TTC17: variants seen among roughly 807,000 people sequenced by gnomAD.
TTC17 encodes the protein tetratricopeptide repeat domain 17.
TTC17 carries 58 observed loss-of-function variants against 143.8 expected under a neutral mutation model. The observed-to-expected ratio is 0.40, with a 90% CI of 0.33 to 0.50. The LOEUF (loss-of-function observed/expected upper bound fraction) is 0.50. Ranked by LOEUF, TTC17 falls within the 20% of genes least tolerant of loss-of-function variation. The pLI, the probability that TTC17 is intolerant of heterozygous loss-of-function variation, is 0.49. For missense variants in TTC17, 1,273 were observed against 1,392.5 expected, an observed-to-expected ratio of 0.91 and a Z score of 1.37; for synonymous variants, 501 against 497.8, an observed-to-expected ratio of 1.01 and a Z score of -0.09.
chr11:43,469,148 AAAAC>A (rs775659825), intron 21 of TTC17, among the ~76,000 whole-genome samples: 23 of 152,226 alleles, frequency 1.5e-4, no homozygotes, highest in Non-Finnish European at 2.2e-4. Flanking sequence ...CTAGAAATGA[AAAAC>A]AAAACCCCAG....
chr11:43,442,009 GTACT>G (rs1320188983), intron 16 of TTC17, among the ~76,000 whole-genome samples: 1 of 152,142 alleles, frequency 6.6e-6, no homozygotes, highest in East Asian at 1.9e-4. Context: ...AGAGTGTACT[GTACT>G]TACTTACACA....
At chr11:43,365,475 C>T (rs1167284925) in intron 1 of TTC17, among the ~76,000 whole-genome samples, 2 of 152,018 alleles carry the variant, frequency 1.3e-5, no homozygotes, top group East Asian at 1.9e-4. Context: ...TGCCATGTCA[C>T]CCAGGCTGAT....
chr11:43,470,231 T>G (rs1367816303), intron 21 of TTC17, among the ~76,000 whole-genome samples: 2 of 152,222 alleles, frequency 1.3e-5, no homozygotes, highest in Non-Finnish European at 2.9e-5. Flanking sequence ...TGCAGCAGCA[T>G]CAGAGGTATA....
At chr11:43,471,629 G>A (rs770180029) in intron 21 of TTC17, among the ~76,000 whole-genome samples, 24 of 152,194 alleles carry the variant, frequency 1.6e-4, no homozygotes, top group Non-Finnish European at 2.9e-4. Context: ...GGAAGATTTC[G>A]AAGCCAAAAG....
At chr11:43,403,812 T>C (rs974632745) in intron 10 of TTC17, among the ~76,000 whole-genome samples, 186 bp from the exon 11 acceptor site, 2 of 127,992 alleles carry the variant, frequency 1.6e-5, no homozygotes, top group Non-Finnish European at 3.8e-5. Flanking sequence ...TTGTTAACTA[T>C]GTATTATCCA....
chr11:43,468,650 C>A (rs1212153153), intron 21 of TTC17, among the ~76,000 whole-genome samples: 1 of 152,110 alleles, frequency 6.6e-6, no homozygotes, highest in Non-Finnish European at 1.5e-5. Context: ...ATTAAAATTT[C>A]TCAGCTGGGC....
At chr11:43,359,845 T>G (rs1004757793) in intron 1 of TTC17, among the ~76,000 whole-genome samples, 1 of 152,236 alleles carries the variant, frequency 6.6e-6, no homozygotes, top group Non-Finnish European at 1.5e-5. Context: ...ATTTCCTGGA[T>G]TCTTGTATGC....
At chr11:43,426,440 G>C (rs1199117740) in intron 16 of TTC17, among the ~76,000 whole-genome samples, 3 of 152,158 alleles carry the variant, frequency 2.0e-5, no homozygotes. Context: ...TTTACTTACG[G>C]GTAAGTAGAT....
At chr11:43,374,108 A>C (rs1407168492) in intron 1 of TTC17, among the ~76,000 whole-genome samples, 1 of 152,250 alleles carries the variant, frequency 6.6e-6, no homozygotes, top group African/African-American at 2.4e-5. Flanking sequence ...AATGCCTAGC[A>C]TATACCTGAA....
In TTC17 at chr11:43,443,593, G is replaced by A. The variant is rs1439542818; in HGVS notation, c.2511+9G>A. On this transcript the variant is annotated intron_variant, in intron 17 of 23. Coordinates refer to ENST00000039989, the MANE Select transcript of TTC17 (RefSeq NM_018259.6). Reference sequence around the variant, plus strand: ...ATGAAGCAACAGAATGGGTAAGTTTGCCAACTTAATTCTCACAAAATTGTA... The same window carrying A: ...ATGAAGCAACAGAATGGGTAAGTTTACCAACTTAATTCTCACAAAATTGTA... The A allele has an allele frequency of 1.9e-6, 3 of 1,600,014 alleles. No individual in the cohort carries two copies. The highest frequency in any genetic ancestry group is 2.2e-5 in the East Asian group (1 of 44,654).
intron 5 of TTC17, among the ~76,000 whole-genome samples, chr11:43,392,654 A>G (rs988605178): frequency 5.3e-5 from 8 of 152,174 alleles, no homozygotes; most frequent in African/African-American, 1.7e-4. Context: ...CAGATGCTTT[A>G]TATGGTTATT....
intron 10 of TTC17, 46 bp from the exon 11 acceptor site, chr11:43,403,952 C>G: frequency 2.0e-6 from 3 of 1,523,056 alleles, no homozygotes; most frequent in Non-Finnish European, 2.7e-6. Flanking sequence ...AATCACAACT[C>G]CTTTTCCACT....
chr11:43,385,838 TAAG>T (rs943529284), intron 2 of TTC17, among the ~76,000 whole-genome samples: 25 of 149,894 alleles, frequency 1.7e-4, no homozygotes, highest in African/African-American at 6.1e-4. Context: ...ATAAATAACA[TAAG>T]AAATTAAACA....
At chr11:43,424,793 G>A (rs576186656) in intron 16 of TTC17, among the ~76,000 whole-genome samples, 3 of 152,184 alleles carry the variant, frequency 2.0e-5, no homozygotes, top group East Asian at 3.9e-4. Flanking sequence ...AGTTAATTGT[G>A]TATTTTTAAT....
Position 43,444,067 on chromosome 11 carries a change from G to T in TTC17, c.2523G>T (p.Gln841His), listed in dbSNP as rs1947484130. The T allele has an allele frequency of 1.2e-6, 2 of 1,606,916 alleles. No homozygotes were observed. Among genetic ancestry groups the T allele is most frequent in the East Asian group, 4.5e-5 (2 of 44,720 alleles). The change falls in exon 18 of 24, where the codon CAG becomes CAT. Residue 841 changes from glutamine to histidine, a missense_variant. This residue lies in a region of TTC17 where 878 missense variants were observed against 899.8 expected (regional missense o/e 0.98). Transcript: ENST00000039989. ...DDEATEWITF[Q>H]VKRVKKPKGD... Reference sequence around the variant, plus strand: ...TTTCTGTTTCCCAGATTACATTCCAGGTCAAACGTGTAAAGAAACCCAAAG... The same window carrying T: ...TTTCTGTTTCCCAGATTACATTCCATGTCAAACGTGTAAAGAAACCCAAAG...
At chr11:43,398,451 C>T (rs1380064535) in intron 8 of TTC17, among the ~76,000 whole-genome samples, 1 of 152,160 alleles carries the variant, frequency 6.6e-6, no homozygotes, top group Non-Finnish European at 1.5e-5. Context: ...TTGTTGACTG[C>T]ATTTTTATTT....
At chr11:43,467,235 C>G (rs928080889) in intron 21 of TTC17, among the ~76,000 whole-genome samples, 1 of 152,186 alleles carries the variant, frequency 6.6e-6, no homozygotes, top group African/African-American at 2.4e-5. Context: ...ATGTTCATAG[C>G]TATACCATTC....
intron 18 of TTC17, among the ~76,000 whole-genome samples, chr11:43,447,247 A>G (rs1291049656): frequency 1.3e-5 from 2 of 152,340 alleles, no homozygotes; most frequent in African/African-American, 4.8e-5. Context: ...GAAAAATGGA[A>G]AAAACTTAAC....
intron 18 of TTC17, chr11:43,446,146 T>C: frequency 7.4e-7 from 1 of 1,349,290 alleles, no homozygotes; most frequent in Non-Finnish European, 9.5e-7. Context: ...AACACCATTC[T>C]CTGAACCAAC....
Sources: allele counts gnomAD v4.1 joint callset (sites outside exome capture counted in the v4.1 genomes callset), GRCh38; gene constraint gnomAD v4.1.1; regional missense constraint gnomAD v4.1.1; transcripts MANE v1.5; gene names NCBI Gene and HGNC (gene_info 2026-07-23, HGNC 2026-07-21).